The following ARHGEF12 variants were observed in gnomAD, a reference collection of about 807,000 sequenced individuals.
ARHGEF12 encodes KMT2A/ARHGEF12 fusion protein.
ARHGEF12 carries 66 observed loss-of-function variants against 211.2 expected under a neutral mutation model. The observed-to-expected ratio is 0.31, with a 90% CI of 0.26 to 0.38. The LOEUF is 0.38. Ranked by LOEUF, ARHGEF12 falls within the 10% of genes least tolerant of loss-of-function variation. The pLI, the probability that ARHGEF12 is intolerant of heterozygous loss-of-function variation, is 1.00. For synonymous variants in ARHGEF12, 592 were observed against 638.4 expected (o/e 0.93, Z 1.09); for missense variants, 1,429 against 1,869.5 (o/e 0.76, Z 4.34).
chr11:120,420,661 A>G lies in ARHGEF12; in HGVS notation c.200-92A>G, dbSNP rs545582795. The G allele has an allele frequency of 7.1e-4, 764 of 1,071,760 alleles. 4 individuals carry two copies. The highest frequency in any genetic ancestry group is 8.3e-4 in the Non-Finnish European group (606 of 731,352). 66.4% of individuals were successfully genotyped at this position (1,071,760 alleles called of 1,614,324 possible). A position where few individuals can be genotyped will look rare whatever the true frequency, so the allele number is the denominator to read the frequency against. On this transcript the variant is annotated intron_variant, in intron 4 of 40. Coordinates refer to ENST00000397843, the MANE Select transcript of ARHGEF12 (RefSeq NM_015313.3). ...CATGTGCTACTTTTTGTTTCTCCAG[A>G]TGGAACACAGTTTATTACTAATATA...
intron 1 of ARHGEF12, 80 bp downstream of exon 1, chr11:120,337,355 T>G (rs1942382153): frequency 6.2e-7 from 1 of 1,604,628 alleles, no homozygotes; most frequent in Non-Finnish European, 8.5e-7. Context: ...GCAGATTGCC[T>G]TTGGCCAGCG....
intron 1 of ARHGEF12, among the ~76,000 whole-genome samples, chr11:120,369,856 C>T (rs902662280): frequency 2.6e-5 from 4 of 152,038 alleles, no homozygotes; most frequent in South Asian, 2.1e-4. Context: ...TTTTGGGGGA[C>T]GAGGCAAGCA....
chr11:120,343,487 G>A (rs536863388), intron 1 of ARHGEF12, among the ~76,000 whole-genome samples: 1 of 152,336 alleles, frequency 6.6e-6, no homozygotes, highest in Admixed American at 6.5e-5. Flanking sequence ...AATTGCATGA[G>A]TATATAGTGT....
rs1438974417 is a variant in ARHGEF12 at position 120,459,618 on chromosome 11, A to ATAGTATATATATCTCTTTAAATACG, written c.2527+300_2527+301insGTATATATATCTCTTTAAATACGTA. Among the ~76,000 whole-genome samples the ATAGTATATATATCTCTTTAAATACG allele has an allele frequency of 3.5e-4, 53 of 152,084 alleles. 1 individual carries two copies. On this transcript the variant is annotated intron_variant, in intron 26 of 40. Coordinates refer to ENST00000397843, the MANE Select transcript of ARHGEF12 (RefSeq NM_015313.3). ...AATTATAGTATATATATCTCTTTAA[A>ATAGTATATATATCTCTTTAAATACG]TATATATATCCAATATAATAATATA...
intron 1 of ARHGEF12, among the ~76,000 whole-genome samples, chr11:120,394,327 T>G (rs575898374): frequency 2.6e-5 from 4 of 151,722 alleles, no homozygotes; most frequent in Admixed American, 2.0e-4. Context: ...GTCCCCACCT[T>G]ATCCTCCCAA....
At position 120,402,657 on chromosome 11, in the gene ARHGEF12, A is replaced by G. The variant is rs139718329; in HGVS notation, c.33-3461A>G. Among the ~76,000 whole-genome samples the G allele has an allele frequency of 5.0e-4, 76 of 152,320 alleles. No homozygotes were observed. The East Asian group carries it at 5.2e-3, about 10-fold the overall frequency. Reference sequence around the variant, plus strand: ...CTTTATAACTAAGCCCAGGGAAGACATATCTAACACCCTAGAGGAGAGAGA... The same window carrying G: ...CTTTATAACTAAGCCCAGGGAAGACGTATCTAACACCCTAGAGGAGAGAGA... On this transcript the variant is annotated intron_variant, in intron 1 of 40. Transcript: ENST00000397843.
chr11:120,395,682 G>A lies in ARHGEF12; in HGVS notation c.33-10436G>A, dbSNP rs187289518. Among the ~76,000 whole-genome samples the A allele has an allele frequency of 6.3e-4, 96 of 152,220 alleles. No individual in the cohort carries two copies. The Middle Eastern group carries it at 0.02, about 32-fold the overall frequency. On this transcript the variant is annotated intron_variant, in intron 1 of 40. Coordinates refer to ENST00000397843, the MANE Select transcript of ARHGEF12 (RefSeq NM_015313.3). ...ACATGGTAGCAGGCAAGGAGAGCTC[G>A]TGCAGGGGAACTCCCCTTTATATAA...
intron 1 of ARHGEF12, among the ~76,000 whole-genome samples, chr11:120,393,178 T>C (rs1944274713): frequency 6.6e-6 from 1 of 152,222 alleles, no homozygotes; most frequent in African/African-American, 2.4e-5. Context: ...ATGTGGTCCT[T>C]GCCTTCAAAT....
chr11:120,462,400 G>A (rs1386153994), intron 27 of ARHGEF12: 4 of 152,210 alleles, frequency 2.6e-5, no homozygotes, highest in Non-Finnish European at 5.9e-5. Context: ...AAAGATCACT[G>A]ATGACAGATC....
rs199748151 is a variant in ARHGEF12, at chr11:120,451,608, G to A, written c.1940G>A (p.Arg647His). 5.2e-4 allele frequency: 836 copies of A among 1,614,004 alleles called. No homozygotes were observed. The highest frequency in any genetic ancestry group is 6.2e-4 in the Admixed American group (37 of 59,994). Residue 647 changes from arginine (R) to histidine (H), a missense_variant, in exon 22 of 41, where the codon CGC (arginine) becomes CAC (histidine). Coordinates refer to ENST00000397843, the MANE Select transcript of ARHGEF12 (RefSeq NM_015313.3). Reference protein sequence around the residue: ...SPEPQDSAKLRQSGLANEGTD... With the variant: ...SPEPQDSAKLHQSGLANEGTD... ...GAACCTCAGGACTCTGCCAAGTTGC[G>A]CCAGAGTGGGTTAGCAAATGAAGGA...
At chr11:120,466,625 A>G (rs1946713335) in intron 28 of ARHGEF12, among the ~76,000 whole-genome samples, 1 of 152,230 alleles carries the variant, frequency 6.6e-6, no homozygotes, top group African/African-American at 2.4e-5. Context: ...TGGAGGCCAT[A>G]TTAGAGTTCT....
intron 12 of ARHGEF12, among the ~76,000 whole-genome samples, chr11:120,438,171 T>C (rs1273564116): frequency 6.6e-6 from 1 of 152,266 alleles, no homozygotes; most frequent in Admixed American, 6.5e-5. Context: ...CAACAGCATT[T>C]TGTCATCTTT....
intron 1 of ARHGEF12, among the ~76,000 whole-genome samples, chr11:120,395,938 G>C (rs985438694): frequency 6.6e-6 from 1 of 152,150 alleles, no homozygotes; most frequent in African/African-American, 2.4e-5. Flanking sequence ...AGAGGGCCTA[G>C]AAATGGTGAC....
At chr11:120,479,646 T>C (rs1166947160) in intron 37 of ARHGEF12, among the ~76,000 whole-genome samples, 3 of 152,146 alleles carry the variant, frequency 2.0e-5, no homozygotes, top group African/African-American at 7.2e-5. Context: ...GAAGAAAAAA[T>C]AGAGGCATGA....
At position 120,480,501 on chromosome 11, in the gene ARHGEF12, G is replaced by A. The variant is rs1591646921; in HGVS notation, c.4237+71G>A. On this transcript the variant is annotated intron_variant, in intron 38 of 40. Coordinates refer to ENST00000397843, the MANE Select transcript of ARHGEF12 (RefSeq NM_015313.3). ...GTTAACTGTCCTGTATTTTGAAATG[G>A]ATGTTGTATTGGTATCCAGGTGTGT... 4 of 1,424,424 alleles carry A rather than the reference G, an allele frequency of 2.8e-6. No individual in the cohort carries two copies. In the East Asian group the frequency reaches 9.6e-5, roughly 34 times the overall value. 88.2% of individuals were successfully genotyped at this position (1,424,424 alleles called of 1,614,324 possible).
At chr11:120,412,737 T>A (rs1944923176) in intron 4 of ARHGEF12, among the ~76,000 whole-genome samples, 2 of 152,202 alleles carry the variant, frequency 1.3e-5, no homozygotes, top group Admixed American at 1.3e-4. Context: ...CATTGTTCTC[T>A]ACAGCTGGAA....
At chr11:120,383,199 G>A (rs1943927116) in intron 1 of ARHGEF12, among the ~76,000 whole-genome samples, 1 of 152,014 alleles carries the variant, frequency 6.6e-6, no homozygotes, top group South Asian at 2.1e-4. Context: ...GGCAGCGTTT[G>A]GAGTGCATTC....
At chr11:120,383,133 C>A (rs909134578) in intron 1 of ARHGEF12, among the ~76,000 whole-genome samples, 27 of 151,500 alleles carry the variant, frequency 1.8e-4, no homozygotes, top group African/African-American at 5.8e-4. Flanking sequence ...AGCCAGACTC[C>A]GTCTCAAAAA....
chr11:120,367,547 G>A (rs895641755), intron 1 of ARHGEF12, among the ~76,000 whole-genome samples: 1 of 151,770 alleles, frequency 6.6e-6, no homozygotes, highest in Admixed American at 6.6e-5. Flanking sequence ...TGTATTTTTA[G>A]TAGAGATGGG....
Sources: gnomAD v4.1 joint callset for allele counts (sites outside exome capture counted in the v4.1 genomes callset) on GRCh38, gnomAD v4.1.1 for gene constraint, MANE v1.5 for transcripts, NCBI Gene and HGNC (gene_info 2026-07-23, HGNC 2026-07-21) for gene names.